RPS6KA3: variants seen among roughly 807,000 people sequenced by gnomAD.
The protein encoded by RPS6KA3 is ribosomal protein S6 kinase alpha-3.
Under a neutral mutation model 67.2 loss-of-function variants are expected in RPS6KA3, and 4 were observed. The ratio of observed to expected loss-of-function variants is 0.06; its 90% CI spans 0.03 to 0.14. The LOEUF is 0.14. Ranked by LOEUF, RPS6KA3 falls within the 10% of genes least tolerant of loss-of-function variation. The probability of loss-of-function intolerance (pLI) is 1.00; values close to 1 mark genes in which losing one functional copy is unlikely to be tolerated. For missense variants in RPS6KA3, 204 were observed against 559.0 expected (o/e 0.36, Z 6.40); for synonymous variants, 182 against 183.7 (o/e 0.99, Z 0.07).
chrX:20,191,102 T>C (rs1295208985), intron 7 of RPS6KA3, among the ~76,000 whole-genome samples: 1 of 111,030 alleles, frequency 9.0e-6, no homozygotes, highest in Non-Finnish European at 1.9e-5. Flanking sequence ...CTCCCACTTA[T>C]GAGTGAGAAC....
At chrX:20,184,617 G>A (rs1351036928) in intron 10 of RPS6KA3, among the ~76,000 whole-genome samples, 1 of 109,151 alleles carries the variant, frequency 9.2e-6, no homozygotes, top group Non-Finnish European at 1.9e-5. Context: ...TTGCCATGTT[G>A]CCCAAGCTGG....
intron 6 of RPS6KA3, 58 bp downstream of exon 6, chrX:20,194,131 A>G: frequency 8.2e-6 from 6 of 731,793 alleles, no homozygotes; most frequent in Non-Finnish European, 1.3e-5. Context: ...AACATAACAA[A>G]GCTTTAGTTC....
chrX:20,243,714 G>A (rs994291744), intron 1 of RPS6KA3, among the ~76,000 whole-genome samples: 5 of 108,630 alleles, frequency 4.6e-5, no homozygotes, highest in Non-Finnish European at 3.8e-5. Context: ...GGCTGGTCTC[G>A]AACTCCTGAC....
rs199880809 is a variant in RPS6KA3, at chrX:20,225,255, G to T, written c.126+9503C>A. 7.3e-3 allele frequency among the ~76,000 whole-genome samples: 504 copies of T among 69,387 alleles called. 2 individuals carry two copies. The highest frequency in any genetic ancestry group is 0.027 in the Middle Eastern group (4 of 148). The allele number at this position is 69,387 out of a possible 115,157, so 60.3% of individuals were successfully genotyped here. On this transcript the variant is annotated intron_variant, in intron 2 of 21. Coordinates refer to ENST00000379565, the MANE Select transcript of RPS6KA3 (RefSeq NM_004586.3). ...GTTTTTTTTTTTTGTTTTTTTTTTT[G>T]TTTTTTTTTTTTTTAAGCTCTTAGG...
chrX:20,236,682 A>T (rs967983547), intron 1 of RPS6KA3, among the ~76,000 whole-genome samples: 2 of 111,833 alleles, frequency 1.8e-5, no homozygotes, highest in Non-Finnish European at 3.8e-5. Flanking sequence ...GAATGCCTAT[A>T]TAATACTATG....
In RPS6KA3 at chrX:20,266,696, G is replaced by A. The variant is rs1286854055; in HGVS notation, c.-64C>T. On this transcript the variant is annotated 5_prime_UTR_variant, in exon 1 of 22. Coordinates refer to ENST00000379565, the MANE Select transcript of RPS6KA3 (RefSeq NM_004586.3). ...CCCCGCCCGCCCCACGGCCGGCCCC[G>A]CTCCGTCGCCGCCCGAGCCCCACGG... 7.5e-6 allele frequency: 6 copies of A among 804,026 alleles called. No homozygotes were observed. In the East Asian group the frequency reaches 3.7e-4, roughly 49 times the overall value. The allele number at this position is 804,026 out of a possible 1,213,427, so 66.3% of individuals were successfully genotyped here.
rs578101570 is a variant in RPS6KA3, at chrX:20,210,253, A to G, written c.127-849T>C. 1.3e-4 allele frequency among the ~76,000 whole-genome samples: 15 copies of G among 112,301 alleles called. No homozygotes were observed. In the South Asian group the frequency reaches 2.2e-3, roughly 17 times the overall value. Reference sequence around the variant, plus strand: ...TTAGGTTATCTTATTTAATCAAGACACATACGGTATGTTATAGTCAAAAAT... The same window carrying G: ...TTAGGTTATCTTATTTAATCAAGACGCATACGGTATGTTATAGTCAAAAAT... On this transcript the variant is annotated intron_variant, in intron 2 of 21. Transcript: ENST00000379565.
intron 1 of RPS6KA3, among the ~76,000 whole-genome samples, chrX:20,263,718 T>C (rs2070297387): frequency 8.9e-6 from 1 of 111,841 alleles, no homozygotes; most frequent in Admixed American, 9.5e-5. Flanking sequence ...ACAGATAAGA[T>C]TCATAATCAT....
At chrX:20,257,062 T>C (rs768895391) in intron 1 of RPS6KA3, among the ~76,000 whole-genome samples, 1 of 112,335 alleles carries the variant, frequency 8.9e-6, no homozygotes, top group East Asian at 2.8e-4. Flanking sequence ...AGTTACTAGC[T>C]GGGCAACCAT....
At chrX:20,228,486 C>G (rs1328314767) in intron 2 of RPS6KA3, among the ~76,000 whole-genome samples, 1 of 111,587 alleles carries the variant, frequency 9.0e-6, no homozygotes, top group Non-Finnish European at 1.9e-5. Context: ...CTCCCTGTTT[C>G]CAGCCCAGTG....
chrX:20,260,946 C>G (rs761602096), intron 1 of RPS6KA3, among the ~76,000 whole-genome samples: 1 of 111,933 alleles, frequency 8.9e-6, no homozygotes, highest in Non-Finnish European at 1.9e-5. Context: ...GCTATTAATC[C>G]AAATAACCCC....
chrX:20,178,232 TATTTA>T (rs201428166), intron 10 of RPS6KA3, among the ~76,000 whole-genome samples: 2,690 of 111,433 alleles, frequency 0.024, 81 homozygotes, highest in African/African-American at 0.078. Context: ...CAGTAGGGGA[TATTTA>T]ATTTAACATG....
At chrX:20,164,350 G>A (rs1603419332) in intron 18 of RPS6KA3, among the ~76,000 whole-genome samples, 1 of 108,604 alleles carries the variant, frequency 9.2e-6, no homozygotes. Context: ...AGGGAATACC[G>A]GAGCAGGTAG....
At chrX:20,234,855 C>T (rs770214807) in intron 1 of RPS6KA3, 41 bp from the exon 2 acceptor site, 9 of 1,036,914 alleles carry the variant, frequency 8.7e-6, no homozygotes, top group Non-Finnish European at 1.2e-5. Flanking sequence ...CAAAACAGAC[C>T]TCACATCAGT....
intron 1 of RPS6KA3, among the ~76,000 whole-genome samples, chrX:20,255,007 C>A (rs377725295): frequency 6.2e-5 from 7 of 112,271 alleles, no homozygotes; most frequent in African/African-American, 2.3e-4. Flanking sequence ...AAACTGGAAA[C>A]ATGTGTTCAC....
chrX:20,256,656 C>T (rs1474311039), intron 1 of RPS6KA3, among the ~76,000 whole-genome samples: 1 of 111,937 alleles, frequency 8.9e-6, no homozygotes, highest in Non-Finnish European at 1.9e-5. Flanking sequence ...GCCTATTTAA[C>T]CCACTGTATT....
At chrX:20,211,959 C>A (rs1439968261) in intron 2 of RPS6KA3, among the ~76,000 whole-genome samples, 3 of 111,145 alleles carry the variant, frequency 2.7e-5, no homozygotes, top group African/African-American at 9.8e-5. Flanking sequence ...TATTTTTTCA[C>A]CTTATATTTC....
chrX:20,169,728 CTAAGTTTG>C (rs1286990715), intron 15 of RPS6KA3: 1 of 405,670 alleles, frequency 2.5e-6, no homozygotes, highest in African/African-American at 2.5e-5. Flanking sequence ...CCTCTCCAAT[CTAAGTTTG>C]TAAGTTTGTA....
intron 20 of RPS6KA3, among the ~76,000 whole-genome samples, chrX:20,156,914 G>A (rs1422313291): frequency 1.8e-5 from 2 of 110,071 alleles, no homozygotes; most frequent in African/African-American, 6.6e-5. Context: ...AAACATGAAT[G>A]TCCAATAACA....
Sources: allele counts gnomAD v4.1 joint callset (sites outside exome capture counted in the v4.1 genomes callset), GRCh38; gene constraint gnomAD v4.1.1; transcripts MANE v1.5; gene names NCBI Gene and HGNC (gene_info 2026-07-23, HGNC 2026-07-21).